SLC44A1: variants seen among roughly 807,000 people sequenced by gnomAD.
SLC44A1 encodes choline transporter-like protein 1.
A neutral mutation model predicts 79.3 loss-of-function variants in SLC44A1; 26 were observed. The ratio of observed to expected loss-of-function variants is 0.33; its 90% CI spans 0.24 to 0.46. The LOEUF (loss-of-function observed/expected upper bound fraction) is 0.46, where lower values mean the gene tolerates loss of function less well. SLC44A1 is among the 20% of genes least tolerant of loss of function. SLC44A1 has a pLI of 1.00. For missense variants in SLC44A1, 688 were observed against 798.1 expected, an observed-to-expected ratio of 0.86 and a Z score of 1.66; for synonymous variants, 263 against 286.2, an observed-to-expected ratio of 0.92 and a Z score of 0.82.
Position 105,394,575 on chromosome 9 carries a change from C to CACTTGATT in SLC44A1, c.*5520_*5527dup. The CACTTGATT allele has an allele frequency of 1.0e-6, 1 of 984,894 alleles. No individual in the cohort carries two copies. The highest frequency in any genetic ancestry group is 1.2e-6 in the Non-Finnish European group (1 of 829,804). The allele number at this position is 984,894 out of a possible 1,614,324, so 61.0% of individuals were successfully genotyped here. ...CTTGTAATTAATCCATCTACCAAAA[C>CACTTGATT]ACTTGATTCTTTTTATTGTAGCTCA... On this transcript the variant is annotated 3_prime_UTR_variant, in exon 16 of 16. Transcript: ENST00000374720.
chr9:105,423,812 G>A (rs1829286443), intron 15 of SLC44A1, among the ~76,000 whole-genome samples: 1 of 152,100 alleles, frequency 6.6e-6, no homozygotes, highest in South Asian at 2.1e-4. Flanking sequence ...TCTTATAGAT[G>A]TATTAACTTA....
chr9:105,345,874 AG>A (rs1827232547), intron 4 of SLC44A1, among the ~76,000 whole-genome samples: 1 of 151,678 alleles, frequency 6.6e-6, no homozygotes, highest in South Asian at 2.1e-4. Flanking sequence ...TTTTGTTCTT[AG>A]TTTTCTACTT....
At position 105,397,342 on chromosome 9, in the gene SLC44A1, AAG is replaced by A. The variant is rs1828896152; in HGVS notation, c.*8288_*8289del. On this transcript the variant is annotated 3_prime_UTR_variant, in exon 16 of 16. Coordinates refer to ENST00000374720, the MANE Select transcript of SLC44A1 (RefSeq NM_080546.5). ...ATGTAATAAATAAAATTTTATAGGAAAGAATGTTATTGTCTACTGTGTTGTAA... is the reference window on the plus strand; with the variant it reads ...ATGTAATAAATAAAATTTTATAGGAAAATGTTATTGTCTACTGTGTTGTAA... 1.0e-6 allele frequency: 1 copy of A among 981,146 alleles called. No homozygotes were observed. The highest frequency in any genetic ancestry group is 1.7e-5 in the African/African-American group (1 of 57,152). The allele number at this position is 981,146 out of a possible 1,614,324, so 60.8% of individuals were successfully genotyped here. A position where few individuals can be genotyped will look rare whatever the true frequency, so the allele number is the denominator to read the frequency against.
intron 9 of SLC44A1, 124 bp downstream of exon 9, chr9:105,363,131 T>C (rs964333796): frequency 1.1e-5 from 8 of 743,352 alleles, no homozygotes; most frequent in Non-Finnish European, 1.3e-5. Context: ...TCAGAACTTG[T>C]AGTGGTTATG....
intron 13 of SLC44A1, among the ~76,000 whole-genome samples, chr9:105,378,557 C>G (rs944744161): frequency 6.6e-6 from 1 of 151,782 alleles, no homozygotes; most frequent in Admixed American, 6.6e-5. Context: ...GATTGCTTTC[C>G]AGAAAGATAT....
intron 15 of SLC44A1, among the ~76,000 whole-genome samples, chr9:105,430,802 C>A (rs1028149302): frequency 6.6e-6 from 1 of 152,104 alleles, no homozygotes; most frequent in Non-Finnish European, 1.5e-5. Flanking sequence ...AGTGGAATTC[C>A]TAGGTCATAT....
rs1032069936 is a variant in SLC44A1 at position 105,391,932 on chromosome 9, C to A, written c.*2876C>A. ...CCTCTATTGTCAATTGTAGTAGTGACCAGAGTATCGTGGTTTTTGCCATCA... is the reference window on the plus strand; with the variant it reads ...CCTCTATTGTCAATTGTAGTAGTGAACAGAGTATCGTGGTTTTTGCCATCA... On this transcript the variant is annotated 3_prime_UTR_variant, in exon 16 of 16. Transcript: ENST00000374720. 1.0e-6 allele frequency: 1 copy of A among 985,024 alleles called. No homozygotes were observed. The highest frequency in any genetic ancestry group is 1.2e-6 in the Non-Finnish European group (1 of 829,780). 61.0% of individuals were successfully genotyped at this position (985,024 alleles called of 1,614,324 possible). A position where few individuals can be genotyped will look rare whatever the true frequency, so the allele number is the denominator to read the frequency against.
At chr9:105,376,586 C>G (rs1490093527) in intron 13 of SLC44A1, among the ~76,000 whole-genome samples, 1 of 152,080 alleles carries the variant, frequency 6.6e-6, no homozygotes, top group Non-Finnish European at 1.5e-5. Context: ...GTTGGTCAGG[C>G]TGGTCTCAAA....
At chr9:105,384,359 T>G (rs954477174) in intron 14 of SLC44A1, among the ~76,000 whole-genome samples, 3 of 152,102 alleles carry the variant, frequency 2.0e-5, no homozygotes, top group African/African-American at 4.8e-5. Flanking sequence ...TTTTGTATTT[T>G]TAGTAGAGAT....
intron 15 of SLC44A1, among the ~76,000 whole-genome samples, chr9:105,428,394 A>C (rs933192940): frequency 1.3e-5 from 2 of 152,102 alleles, no homozygotes; most frequent in African/African-American, 4.8e-5. Context: ...TCCCCCATCA[A>C]CTTGTGTGGA....
chr9:105,351,668 A>G (rs146216558), intron 5 of SLC44A1, among the ~76,000 whole-genome samples: 12 of 143,858 alleles, frequency 8.3e-5, no homozygotes, highest in African/African-American at 1.0e-4. Flanking sequence ...GAAAGAAAGA[A>G]AGAAAGAACC....
intron 3 of SLC44A1, among the ~76,000 whole-genome samples, chr9:105,327,825 C>T (rs1287983036): frequency 6.6e-6 from 1 of 152,170 alleles, no homozygotes; most frequent in Non-Finnish European, 1.5e-5. Context: ...TTTGATGCCT[C>T]CTCTATAATC....
Position 105,391,723 on chromosome 9 carries a change from G to A in SLC44A1, c.*2667G>A, listed in dbSNP as rs1828766163. 3.0e-6 allele frequency: 3 copies of A among 985,124 alleles called. No individual in the cohort carries two copies. The highest frequency in any genetic ancestry group is 2.4e-6 in the Non-Finnish European group (2 of 829,858). The allele number at this position is 985,124 out of a possible 1,614,324, so 61.0% of individuals were successfully genotyped here. On this transcript the variant is annotated 3_prime_UTR_variant, in exon 16 of 16. Transcript: ENST00000374720. ...GCTATGGGCTGCCTTATTGCTATTC[G>A]CTCACTGCTTCCATCTTCTGCCCAA...
intron 15 of SLC44A1, among the ~76,000 whole-genome samples, chr9:105,419,143 G>A (rs948183678): frequency 1.3e-5 from 2 of 152,158 alleles, no homozygotes; most frequent in African/African-American, 4.8e-5. Flanking sequence ...TTAGCATAGA[G>A]ACATATGGTT....
At chr9:105,294,536 T>C (rs542801233) in intron 1 of SLC44A1, 2 of 152,122 alleles carry the variant, frequency 1.3e-5, no homozygotes, top group East Asian at 1.9e-4. Flanking sequence ...AGAAGACTAC[T>C]GTAATCTTTG....
intron 4 of SLC44A1, among the ~76,000 whole-genome samples, chr9:105,343,468 T>C (rs1299390526): frequency 5.3e-5 from 8 of 152,352 alleles, no homozygotes; most frequent in Non-Finnish European, 4.4e-5. Context: ...CAATAGATGA[T>C]CAGTATATTA....
chr9:105,380,987 C>T (rs950420816), intron 13 of SLC44A1, among the ~76,000 whole-genome samples: 1 of 152,138 alleles, frequency 6.6e-6, no homozygotes, highest in Non-Finnish European at 1.5e-5. Flanking sequence ...ATTTTTTTGG[C>T]TAAACATCAC....
intron 3 of SLC44A1, among the ~76,000 whole-genome samples, chr9:105,313,714 A>G (rs1831242166): frequency 6.6e-6 from 1 of 152,186 alleles, no homozygotes; most frequent in South Asian, 2.1e-4. Context: ...ATATATAAGT[A>G]GGCTTAGAGT....
chr9:105,433,079 T>G (rs917747151), intron 15 of SLC44A1, among the ~76,000 whole-genome samples: 1 of 152,088 alleles, frequency 6.6e-6, no homozygotes, highest in Non-Finnish European at 1.5e-5. Flanking sequence ...GTGGATCACC[T>G]GAGGCCAGGA....
Sources: gnomAD v4.1 joint callset for allele counts (sites outside exome capture counted in the v4.1 genomes callset) on GRCh38, gnomAD v4.1.1 for gene constraint, MANE v1.5 for transcripts, NCBI Gene and HGNC (gene_info 2026-07-23, HGNC 2026-07-21) for gene names.